HK1: variants seen among roughly 807,000 people sequenced by gnomAD.
The protein encoded by HK1 is hexokinase 1.
In HK1, 28 loss-of-function variants were observed where a neutral mutation model predicts 91.6. The observed-to-expected ratio is 0.31, with a 90% CI of 0.23 to 0.42. The LOEUF is 0.42. Ranked by LOEUF, HK1 falls within the 10% of genes least tolerant of loss-of-function variation. The probability of loss-of-function intolerance (pLI) is 1.00; values close to 1 mark genes in which losing one functional copy is unlikely to be tolerated. For missense variants in HK1, 770 were observed against 1,219.8 expected (o/e 0.63, Z 5.49); for synonymous variants, 430 against 468.1 (o/e 0.92, Z 1.05).
chr10:69,301,457 C>T (rs1326203668), intron 5 of HK1, among the ~76,000 whole-genome samples: 5 of 149,638 alleles, frequency 3.3e-5, no homozygotes, highest in African/African-American at 1.2e-4. Context: ...ACCTGTAATC[C>T]CAGCTACTCG....
chr10:69,332,499 C>G (rs1029167478), intron 1 of HK1, among the ~76,000 whole-genome samples: 1 of 152,030 alleles, frequency 6.6e-6, no homozygotes, highest in Non-Finnish European at 1.5e-5. Flanking sequence ...ATGCCTCAGC[C>G]TCTCTAGTAG....
intron 1 of HK1, among the ~76,000 whole-genome samples, chr10:69,320,510 T>C (rs899322712): frequency 5.9e-5 from 9 of 152,122 alleles, no homozygotes; most frequent in African/African-American, 1.7e-4. Flanking sequence ...CGTGCGGGTG[T>C]GTGCATTTCA....
chr10:69,311,437 C>G (rs11812791), upstream of HK1, among the ~76,000 whole-genome samples: 10,517 of 152,068 alleles, frequency 0.069, 880 homozygotes, highest in African/African-American at 0.2. Context: ...CTGTGAAGGT[C>G]GTTGTGTGTG....
intron 5 of HK1, among the ~76,000 whole-genome samples, 199 bp downstream of exon 5, chr10:69,368,830 G>T (rs1034857538): frequency 1.3e-5 from 2 of 152,158 alleles, no homozygotes; most frequent in Non-Finnish European, 2.9e-5. Flanking sequence ...GTGCTGCCTG[G>T]AGCACCCAGG....
rs772709547 is a variant in HK1 at position 69,386,304 on chromosome 10, G to A, written c.1840-19G>A. 1 of 1,604,126 alleles carries A rather than the reference G, an allele frequency of 6.2e-7. No homozygotes were observed. Among genetic ancestry groups the A allele is most frequent in the Non-Finnish European group, 8.5e-7 (1 of 1,171,040 alleles). ...CAGGTTAATTACACAGGACTCTCCTGGTGCTTTTTATGTTGTAGGGAATCT... is the reference window on the plus strand; with the variant it reads ...CAGGTTAATTACACAGGACTCTCCTAGTGCTTTTTATGTTGTAGGGAATCT... On this transcript the variant is annotated intron_variant, in intron 12 of 17. Coordinates refer to ENST00000359426, the MANE Select transcript of HK1 (RefSeq NM_000188.3).
chr10:69,322,709 G>T (rs1008516795), intron 1 of HK1, among the ~76,000 whole-genome samples: 2 of 151,814 alleles, frequency 1.3e-5, no homozygotes, highest in Admixed American at 6.6e-5. Flanking sequence ...TGACCAACAT[G>T]GAGAAACCCC....
At chr10:69,378,472 T>C (rs1839228267) in intron 8 of HK1, among the ~76,000 whole-genome samples, 1 of 152,082 alleles carries the variant, frequency 6.6e-6, no homozygotes, top group Non-Finnish European at 1.5e-5. Flanking sequence ...AGACGAGAGA[T>C]AAATTAAAGG....
chr10:69,395,171 A>G, intron 16 of HK1, 66 bp downstream of exon 16: 3 of 1,542,434 alleles, frequency 1.9e-6, no homozygotes, highest in East Asian at 2.3e-5. Flanking sequence ...GTGGATTGTG[A>G]TGGGGGTGGT....
intron 2 of HK1, among the ~76,000 whole-genome samples, chr10:69,353,523 G>A (rs1409356838): frequency 2.0e-5 from 3 of 151,712 alleles, no homozygotes; most frequent in Non-Finnish European, 4.4e-5. Context: ...GGCTCTGGAG[G>A]TTGAGGCTGC....
rs1333083297 is a variant in HK1, at chr10:69,401,268, A to T, written c.*133A>T. ...CGGCGCGGGGAGGAAAGCAAAATCC[A>T]ACTAATGGTATATATTGTAGGGTAC... On this transcript the variant is annotated 3_prime_UTR_variant, in exon 18 of 18. Transcript: ENST00000359426. 9.8e-6 allele frequency: 9 copies of T among 919,236 alleles called. No individual in the cohort carries two copies. The highest frequency in any genetic ancestry group is 1.5e-5 in the Non-Finnish European group (9 of 588,078). The allele number at this position is 919,236 out of a possible 1,614,324, so 56.9% of individuals were successfully genotyped here.
At chr10:69,372,586 T>C (rs1310135839) in intron 7 of HK1, among the ~76,000 whole-genome samples, 1 of 152,192 alleles carries the variant, frequency 6.6e-6, no homozygotes, top group East Asian at 1.9e-4. Context: ...GACTCATTGT[T>C]GAGGTGTGGT....
At chr10:69,336,790 C>T (rs1403066910) in intron 1 of HK1, among the ~76,000 whole-genome samples, 1 of 151,956 alleles carries the variant, frequency 6.6e-6, no homozygotes, top group African/African-American at 2.4e-5. Context: ...CAGGCATCTG[C>T]CACCACACCC....
At chr10:69,292,624 A>T (rs1342366188) in intron 3 of HK1, among the ~76,000 whole-genome samples, 5 of 152,122 alleles carry the variant, frequency 3.3e-5, no homozygotes, top group African/African-American at 7.2e-5. Flanking sequence ...GCTAATATTT[A>T]TGCTGTGCTT....
intron 5 of HK1, among the ~76,000 whole-genome samples, chr10:69,310,766 A>G (rs1027445584): frequency 1.3e-5 from 2 of 152,220 alleles, no homozygotes; most frequent in African/African-American, 4.8e-5. Flanking sequence ...TGTAAGAGGT[A>G]CATTGGTTGG....
intron 1 of HK1, among the ~76,000 whole-genome samples, chr10:69,281,759 C>T (rs1414087544): frequency 6.6e-6 from 1 of 151,898 alleles, no homozygotes; most frequent in Non-Finnish European, 1.5e-5. Context: ...TAGGATTGTG[C>T]ACAATAAAAG....
intron 1 of HK1, chr10:69,319,293 C>T (rs890056674): frequency 2.0e-5 from 11 of 550,628 alleles, no homozygotes; most frequent in South Asian, 1.6e-4. Flanking sequence ...CAGATAGGCC[C>T]CCGGGCTGTG....
At chr10:69,271,962 C>T (rs535173817) in intron 1 of HK1, among the ~76,000 whole-genome samples, 1 of 152,136 alleles carries the variant, frequency 6.6e-6, no homozygotes, top group East Asian at 1.9e-4. Context: ...CCCCTGGGTT[C>T]AGTCAATTCT....
intron 1 of HK1, among the ~76,000 whole-genome samples, chr10:69,335,989 CAAAA>C (rs1307295173): frequency 6.6e-6 from 1 of 152,014 alleles, no homozygotes; most frequent in Non-Finnish European, 1.5e-5. Flanking sequence ...TTTTGTAAAA[CAAAA>C]AGAACCATCC....
intron 17 of HK1, among the ~76,000 whole-genome samples, chr10:69,399,883 A>G (rs566201364): frequency 2.6e-5 from 4 of 152,068 alleles, no homozygotes; most frequent in Admixed American, 6.5e-5. Context: ...AAGCAACCTC[A>G]CCCGACTCAG....
Sources: allele counts gnomAD v4.1 joint callset (sites outside exome capture counted in the v4.1 genomes callset), GRCh38; gene constraint gnomAD v4.1.1; transcripts MANE v1.5; gene names NCBI Gene and HGNC (gene_info 2026-07-23, HGNC 2026-07-21).